PVT1: variants seen among roughly 807,000 people sequenced by gnomAD.
The protein encoded by PVT1 is Pvt1 oncogene, also known as CXCR4/PVT1 fusion.
intron 2 of PVT1, among the ~76,000 whole-genome samples, chr8:127,879,917 T>C (rs112115035): frequency 0.011 from 1,739 of 152,346 alleles, 39 homozygotes; most frequent in African/African-American, 0.04. Context: ...AGGTCTTCGC[T>C]GGGTGATCTT....
chr8:128,030,554 A>G (rs1813376201), intron 4 of PVT1, among the ~76,000 whole-genome samples: 1 of 152,210 alleles, frequency 6.6e-6, no homozygotes, highest in South Asian at 2.1e-4. Flanking sequence ...CCCCAAAATT[A>G]TGCTACTTGA....
At position 127,842,528 on chromosome 8, in the gene PVT1, C is replaced by A. The variant is rs192306212; in HGVS notation, n.372+46457C>A. ...CAATCCTACCACCTCAGCCTCCCAG[C>A]GAGTTGAGATTAAAGGTGTGAGCCA... is the stretch of plus-strand genomic sequence containing the variant. On this transcript the variant is annotated intron_variant and non_coding_transcript_variant, in intron 2 of 10. Transcript: ENST00000651587. Among the ~76,000 whole-genome samples, 15 of 151,932 alleles carry A rather than the reference C, an allele frequency of 9.9e-5. No homozygotes were observed. In the East Asian group the frequency reaches 2.9e-3, roughly 29 times the overall value.
At chr8:127,830,504 G>C (rs1197713944) in intron 2 of PVT1, among the ~76,000 whole-genome samples, 2 of 152,018 alleles carry the variant, frequency 1.3e-5, no homozygotes. Flanking sequence ...GAAAAACGTA[G>C]ATTTTACATT....
chr8:127,915,572 A>G (rs1815973451), intron 3 of PVT1, among the ~76,000 whole-genome samples: 1 of 135,580 alleles, frequency 7.4e-6, no homozygotes, highest in Non-Finnish European at 1.5e-5. Context: ...AGATTGCATC[A>G]TTGCATTTCA....
intron 5 of PVT1, among the ~76,000 whole-genome samples, chr8:128,077,064 C>A (rs573370769): frequency 6.6e-6 from 1 of 152,280 alleles, no homozygotes; most frequent in South Asian, 2.1e-4. Context: ...CCCTAGGGGG[C>A]CCAATGAGGC....
intron 4 of PVT1, among the ~76,000 whole-genome samples, chr8:128,007,662 G>C (rs1414982080): frequency 6.6e-6 from 1 of 152,224 alleles, no homozygotes; most frequent in African/African-American, 2.4e-5. Flanking sequence ...AATGTGTTTG[G>C]AAGGTATGAG....
At chr8:127,960,330 G>C (rs959843637) in intron 3 of PVT1, among the ~76,000 whole-genome samples, 1 of 152,112 alleles carries the variant, frequency 6.6e-6, no homozygotes, top group Non-Finnish European at 1.5e-5. Context: ...TCACAGAGTG[G>C]CTCTCCTCCA....
intron 3 of PVT1, chr8:127,960,641 C>T (rs775006429): frequency 1.9e-6 from 1 of 524,294 alleles, no homozygotes; most frequent in Non-Finnish European, 3.9e-6. Flanking sequence ...CTGAAGGCCT[C>T]TGCAGGGTTT....
chr8:128,051,691 T>G (rs1813697946), intron 4 of PVT1, among the ~76,000 whole-genome samples: 1 of 152,194 alleles, frequency 6.6e-6, no homozygotes, highest in African/African-American at 2.4e-5. Flanking sequence ...ACCTCATTGA[T>G]TCCATCTTCT....
intron 2 of PVT1, among the ~76,000 whole-genome samples, chr8:127,858,930 C>CCTGAATAG (rs1391140041): frequency 6.7e-6 from 1 of 149,738 alleles, no homozygotes; most frequent in East Asian, 2.0e-4. Flanking sequence ...GCCTCAGCCT[C>CCTGAATAG]CTGAATAGCT....
At chr8:127,914,053 T>G (rs967901567) in intron 3 of PVT1, among the ~76,000 whole-genome samples, 1 of 151,786 alleles carries the variant, frequency 6.6e-6, no homozygotes, top group East Asian at 1.9e-4. Flanking sequence ...AAAACATTAG[T>G]GGACTCAAAA....
intron 2 of PVT1, among the ~76,000 whole-genome samples, chr8:127,802,741 G>T (rs973523961): frequency 6.6e-6 from 1 of 152,162 alleles, no homozygotes; most frequent in Non-Finnish European, 1.5e-5. Context: ...TGAGGCACAG[G>T]TGTTCTGCCG....
At chr8:128,013,988 C>T (rs375965314) in intron 4 of PVT1, among the ~76,000 whole-genome samples, 26 of 152,268 alleles carry the variant, frequency 1.7e-4, no homozygotes, top group African/African-American at 6.3e-4. Flanking sequence ...ACTATAGACA[C>T]GTATATGAGG....
chr8:128,049,307 C>A, intron 4 of PVT1: 1 of 432,702 alleles, frequency 2.3e-6, no homozygotes, highest in Non-Finnish European at 4.7e-6. Context: ...AGAAGCAGGG[C>A]AAGGGAGAGT....
chr8:127,851,203 T>C (rs1815104056), intron 2 of PVT1, among the ~76,000 whole-genome samples: 1 of 152,152 alleles, frequency 6.6e-6, no homozygotes. Context: ...TGTGAGTCAT[T>C]TGCTGGCTTG....
chr8:127,805,993 A>T (rs915817708), intron 2 of PVT1, among the ~76,000 whole-genome samples: 3 of 152,202 alleles, frequency 2.0e-5, no homozygotes, highest in African/African-American at 7.2e-5. Context: ...AGCAACAAAA[A>T]CTGCAATGGT....
chr8:128,017,609 T>A (rs9643231), intron 4 of PVT1, among the ~76,000 whole-genome samples: 25,796 of 151,306 alleles, frequency 0.17, 2,451 homozygotes, highest in South Asian at 0.33. Flanking sequence ...TTTTTTTTTT[T>A]AATTTTTTTA....
At chr8:127,897,481 A>G (rs1173401399) in intron 3 of PVT1, among the ~76,000 whole-genome samples, 2 of 151,220 alleles carry the variant, frequency 1.3e-5, no homozygotes, top group African/African-American at 4.9e-5. Context: ...AAAGAAAGAG[A>G]GAAAGAGAGA....
At chr8:127,953,179 T>C (rs1290870606) in intron 3 of PVT1, among the ~76,000 whole-genome samples, 2 of 152,236 alleles carry the variant, frequency 1.3e-5, no homozygotes, top group African/African-American at 4.8e-5. Flanking sequence ...TTATGGCACA[T>C]TACTTATTCT....
Sources: gnomAD v4.1 joint callset for allele counts (sites outside exome capture counted in the v4.1 genomes callset) on GRCh38, gnomAD v4.1.1 for gene constraint, MANE v1.5 for transcripts, NCBI Gene and HGNC (gene_info 2026-07-23, HGNC 2026-07-21) for gene names.